Variants in TIAM1 observed in about 807,000 individuals in gnomAD.
TIAM1 encodes the protein rho guanine nucleotide exchange factor TIAM1.
A neutral mutation model predicts 163.5 loss-of-function variants in TIAM1; 65 were observed. The ratio of observed to expected loss-of-function variants is 0.40; its 90% CI spans 0.33 to 0.49. The LOEUF is 0.49. TIAM1 is among the 20% of genes least tolerant of loss of function. The probability of loss-of-function intolerance (pLI) is 0.77; values close to 1 mark genes in which losing one functional copy is unlikely to be tolerated. For synonymous variants in TIAM1, 833 were observed against 810.1 expected (o/e 1.03, Z -0.48); for missense variants, 1,789 against 2,044.7 (o/e 0.87, Z 2.41).
intron 2 of TIAM1, among the ~76,000 whole-genome samples, chr21:31,385,754 A>C (rs1041173805): frequency 1.9e-4 from 28 of 149,842 alleles, no homozygotes; most frequent in Admixed American, 3.3e-4. Flanking sequence ...CCAGCTGTTT[A>C]AAACGTAAAT....
chr21:31,356,751 C>A (rs2076322718), intron 2 of TIAM1, among the ~76,000 whole-genome samples: 1 of 152,198 alleles, frequency 6.6e-6, no homozygotes, highest in African/African-American at 2.4e-5. Context: ...TCTGTTATAG[C>A]AGCACCAATG....
At chr21:31,243,207 A>ATATATATATAT (rs1257885611) in intron 6 of TIAM1, among the ~76,000 whole-genome samples, 4 of 117,352 alleles carry the variant, frequency 3.4e-5, no homozygotes, top group African/African-American at 1.5e-4. Context: ...AAAAAAAAAA[A>ATATATATATAT]AAATATATAT....
In TIAM1 at chr21:31,147,155, T is replaced by G. The variant is rs1428002764; in HGVS notation, c.3367-152A>C. ...AGCCTTTCTTTGCTATCAAATGCCCTAAAATTGCCCATTACAAAGTATGTG... is the reference window on the plus strand; with the variant it reads ...AGCCTTTCTTTGCTATCAAATGCCCGAAAATTGCCCATTACAAAGTATGTG... On this transcript the variant is annotated intron_variant, in intron 19 of 27. Coordinates refer to ENST00000541036, the MANE Select transcript of TIAM1 (RefSeq NM_001353694.2). The G allele has an allele frequency of 7.7e-6, 5 of 648,028 alleles. No homozygotes were observed. In the East Asian group the frequency reaches 1.4e-4, roughly 18 times the overall value. The allele number at this position is 648,028 out of a possible 1,614,324, so 40.1% of individuals were successfully genotyped here.
At chr21:31,545,059 G>GT (rs151023493) in intron 1 of TIAM1, among the ~76,000 whole-genome samples, 5,339 of 152,234 alleles carry the variant, frequency 0.035, 298 homozygotes, top group African/African-American at 0.12. Context: ...ACCTGTGAAT[G>GT]TGAGCTTCTT....
Position 31,292,477 on chromosome 21 carries a change from C to A in TIAM1, c.-188-15569G>T, listed in dbSNP as rs144477266. Among the ~76,000 whole-genome samples the A allele has an allele frequency of 5.1e-3, 766 of 150,830 alleles. 4 individuals carry two copies. Among genetic ancestry groups the A allele is most frequent in the Non-Finnish European group, 8.0e-3 (543 of 67,862 alleles). On this transcript the variant is annotated intron_variant, in intron 2 of 27. Coordinates refer to ENST00000541036, the MANE Select transcript of TIAM1 (RefSeq NM_001353694.2). ...CTCTGCCTCCCGGGTTCAAGTGATTCTCATGCCTCAGCCTCCCGAGTAGCT... is the reference window on the plus strand; with the variant it reads ...CTCTGCCTCCCGGGTTCAAGTGATTATCATGCCTCAGCCTCCCGAGTAGCT...
At chr21:31,225,544 A>G (rs757406248) in intron 7 of TIAM1, among the ~76,000 whole-genome samples, 182 bp downstream of exon 7, 35 of 152,148 alleles carry the variant, frequency 2.3e-4, no homozygotes, top group Non-Finnish European at 4.3e-4. Flanking sequence ...GCTATTAACA[A>G]TCAGCTATGA....
chr21:31,348,425 C>T (rs1345417766), upstream of TIAM1, among the ~76,000 whole-genome samples: 3 of 152,334 alleles, frequency 2.0e-5, no homozygotes, highest in Non-Finnish European at 2.9e-5. Flanking sequence ...TCCTCCTCCT[C>T]GTGTTAGGTG....
At chr21:31,428,768 A>C (rs970661083) in intron 2 of TIAM1, among the ~76,000 whole-genome samples, 11 of 151,820 alleles carry the variant, frequency 7.2e-5, no homozygotes, top group African/African-American at 2.7e-4. Context: ...CTGTAGTCTC[A>C]GCTACTGGGG....
chr21:31,128,054 A>C (rs1430180348), intron 25 of TIAM1, among the ~76,000 whole-genome samples: 1 of 152,234 alleles, frequency 6.6e-6, no homozygotes, highest in Non-Finnish European at 1.5e-5. Flanking sequence ...CAGTACTTTA[A>C]GTCATGAATA....
At chr21:31,210,805 A>T (rs892222327) in intron 10 of TIAM1, among the ~76,000 whole-genome samples, 1 of 149,980 alleles carries the variant, frequency 6.7e-6, no homozygotes, top group East Asian at 1.9e-4. Flanking sequence ...AAAGAAAGAA[A>T]GAAAGAAAGG....
chr21:31,557,941 C>A (rs1347801769), intron 1 of TIAM1, among the ~76,000 whole-genome samples: 1 of 152,056 alleles, frequency 6.6e-6, no homozygotes, highest in African/African-American at 2.4e-5. Context: ...AGGCGCCGTG[C>A]GCGGCGGGGG....
intron 2 of TIAM1, among the ~76,000 whole-genome samples, chr21:31,297,463 C>T (rs972120515): frequency 1.3e-5 from 2 of 152,210 alleles, no homozygotes; most frequent in Non-Finnish European, 2.9e-5. Flanking sequence ...GGCGAGATCT[C>T]GGCTCACTGC....
At chr21:31,513,602 T>A (rs936312861) in intron 1 of TIAM1, among the ~76,000 whole-genome samples, 1 of 152,218 alleles carries the variant, frequency 6.6e-6, no homozygotes, top group Non-Finnish European at 1.5e-5. Context: ...GAAACCAGAA[T>A]ATACCTATAT....
chr21:31,283,005 G>C (rs1328771103), intron 2 of TIAM1, among the ~76,000 whole-genome samples: 6 of 152,206 alleles, frequency 3.9e-5, no homozygotes, highest in Non-Finnish European at 8.8e-5. Context: ...TTTAATTTTA[G>C]AGCGGTAAAT....
chr21:31,169,837 A>AT, intron 15 of TIAM1, among the ~76,000 whole-genome samples: 1 of 152,166 alleles, frequency 6.6e-6, no homozygotes, highest in Non-Finnish European at 1.5e-5. Flanking sequence ...CCATTTCATA[A>AT]TTTTATGCAA....
intron 2 of TIAM1, among the ~76,000 whole-genome samples, chr21:31,447,776 CATATGCACAT>C (rs1462216849): frequency 6.6e-6 from 1 of 152,158 alleles, no homozygotes; most frequent in Non-Finnish European, 1.5e-5. Flanking sequence ...AGAATCTATA[CATATGCACAT>C]ATATGCACAA....
chr21:31,141,623 G>C lies in TIAM1; in HGVS notation c.3476-119C>G. 1.7e-6 allele frequency: 2 copies of C among 1,175,888 alleles called. No individual in the cohort carries two copies. The highest frequency in any genetic ancestry group is 2.4e-6 in the Non-Finnish European group (2 of 829,912). The allele number at this position is 1,175,888 out of a possible 1,614,324, so 72.8% of individuals were successfully genotyped here. On this transcript the variant is annotated intron_variant, in intron 20 of 27. Coordinates refer to ENST00000541036, the MANE Select transcript of TIAM1 (RefSeq NM_001353694.2). The surrounding 1 kb of genome is among the most constrained non-coding windows in gnomAD (Gnocchi z 4.7). The stretch of plus-strand genomic sequence containing the variant: ...TTTTTGCAGGACTGAGCAGAGAGTG[G>C]GTGGCAGGAAGAGGGACAGGTAGGG...
At chr21:31,307,420 A>G (rs1336881695) in intron 2 of TIAM1, among the ~76,000 whole-genome samples, 1 of 152,146 alleles carries the variant, frequency 6.6e-6, no homozygotes, top group Non-Finnish European at 1.5e-5. Flanking sequence ...GAGTCCCAGG[A>G]CACCATCCAG....
At chr21:31,165,432 G>C (rs931943956) in intron 15 of TIAM1, among the ~76,000 whole-genome samples, 1 of 152,066 alleles carries the variant, frequency 6.6e-6, no homozygotes, top group African/African-American at 2.4e-5. Context: ...CCATGGATGA[G>C]ATTAGTGTCA....
Sources: allele counts gnomAD v4.1 joint callset (sites outside exome capture counted in the v4.1 genomes callset), GRCh38; gene constraint gnomAD v4.1.1; non-coding constraint Gnocchi (gnomAD v3.1); transcripts MANE v1.5; gene names NCBI Gene and HGNC (gene_info 2026-07-23, HGNC 2026-07-21).